CADPS: variants seen among roughly 807,000 people sequenced by gnomAD.
CADPS encodes calcium-dependent secretion activator 1.
In CADPS, 57 loss-of-function variants were observed where a neutral mutation model predicts 167.3. The ratio of observed to expected loss-of-function variants is 0.34; its 90% CI spans 0.28 to 0.42. The LOEUF is 0.42. Ranked by LOEUF, CADPS falls within the 20% of genes least tolerant of loss-of-function variation. CADPS has a pLI of 1.00. For missense variants in CADPS, 1,414 were observed against 1,738.1 expected (o/e 0.81, Z 3.32); for synonymous variants, 676 against 635.3 (o/e 1.06, Z -0.96).
intron 10 of CADPS, among the ~76,000 whole-genome samples, chr3:62,554,365 T>C (rs1180905358): frequency 1.3e-5 from 2 of 152,188 alleles, no homozygotes; most frequent in African/African-American, 4.8e-5. Context: ...GGGAACCACG[T>C]AGATTGTAGG....
intron 1 of CADPS, among the ~76,000 whole-genome samples, chr3:62,860,666 T>C (rs2080618475): frequency 6.6e-6 from 1 of 152,166 alleles, no homozygotes; most frequent in Admixed American, 6.5e-5. Context: ...TCTACTCCTA[T>C]GCCCAGATCC....
chr3:62,643,956 G>A (rs1262654532), intron 6 of CADPS, among the ~76,000 whole-genome samples: 1 of 152,122 alleles, frequency 6.6e-6, no homozygotes, highest in Non-Finnish European at 1.5e-5. Flanking sequence ...TTTGAAACTT[G>A]GTTGTAAAAA....
rs780375268 is a variant in CADPS, at chr3:62,478,442, A to C, written c.3174-26T>G. On this transcript the variant is annotated intron_variant, in intron 22 of 29. Transcript: ENST00000383710. This position sits in a 1 kb window ranked among gnomAD's most constrained non-coding sequence, Gnocchi z 5.7. ...CTGGCAGGACAAAAATTAGAAAATG[A>C]GAGTCACCCACTGGCCTCAGGCTCT... 1.2e-6 allele frequency: 2 copies of C among 1,603,338 alleles called. No individual in the cohort carries two copies. The highest frequency in any genetic ancestry group is 1.7e-5 in the Admixed American group (1 of 58,364).
At chr3:62,702,026 C>T (rs1018434377) in intron 3 of CADPS, among the ~76,000 whole-genome samples, 2 of 152,034 alleles carry the variant, frequency 1.3e-5, no homozygotes, top group African/African-American at 2.4e-5. Flanking sequence ...CAGATGTATA[C>T]CTAATTGACT....
intron 5 of CADPS, among the ~76,000 whole-genome samples, chr3:62,647,345 C>A (rs2068813666): frequency 6.6e-6 from 1 of 152,134 alleles, no homozygotes; most frequent in African/African-American, 2.4e-5. Flanking sequence ...GAATCAGAAT[C>A]ATTTATAGGG....
chr3:62,649,748 C>G (rs1043628749), intron 5 of CADPS, among the ~76,000 whole-genome samples: 1 of 151,150 alleles, frequency 6.6e-6, no homozygotes, highest in African/African-American at 2.4e-5. Flanking sequence ...AGAGATGTCT[C>G]ACTATGTTGC....
At chr3:62,865,241 G>C (rs1371445516) in intron 1 of CADPS, among the ~76,000 whole-genome samples, 1 of 152,092 alleles carries the variant, frequency 6.6e-6, no homozygotes. Context: ...GGAATTTTCA[G>C]TATTTTCCCT....
chr3:62,711,470 T>TA (rs1205087873), intron 3 of CADPS, among the ~76,000 whole-genome samples: 7 of 152,242 alleles, frequency 4.6e-5, no homozygotes, highest in African/African-American at 1.7e-4. Flanking sequence ...ACCTCCTAAA[T>TA]ATAATTCATA....
intron 6 of CADPS, among the ~76,000 whole-genome samples, chr3:62,631,920 G>C (rs908480934): frequency 6.6e-6 from 1 of 152,206 alleles, no homozygotes; most frequent in East Asian, 1.9e-4. Flanking sequence ...CGGTATATAG[G>C]ATGATGGAGG....
chr3:62,498,698 C>T (rs1382655563), intron 18 of CADPS, among the ~76,000 whole-genome samples: 1 of 150,794 alleles, frequency 6.6e-6, no homozygotes, highest in African/African-American at 2.4e-5. Context: ...TTTAACAACC[C>T]AGGCAATCTA....
intron 3 of CADPS, among the ~76,000 whole-genome samples, chr3:62,677,957 G>T (rs1449621861): frequency 6.6e-6 from 1 of 152,096 alleles, no homozygotes; most frequent in Non-Finnish European, 1.5e-5. Flanking sequence ...TCACTGAGGT[G>T]TGTAATATCT....
chr3:62,863,902 T>G (rs1425823263), intron 1 of CADPS, among the ~76,000 whole-genome samples: 1 of 152,170 alleles, frequency 6.6e-6, no homozygotes, highest in Non-Finnish European at 1.5e-5. Flanking sequence ...GGAAAGAATC[T>G]GGATGAGAAG....
chr3:62,693,794 A>C (rs1333555534), intron 3 of CADPS, among the ~76,000 whole-genome samples: 2 of 151,498 alleles, frequency 1.3e-5, no homozygotes, highest in African/African-American at 4.9e-5. Context: ...TAAAAAAAAA[A>C]AAAAAATTCT....
chr3:62,741,239 A>T (rs557824943), intron 3 of CADPS, among the ~76,000 whole-genome samples: 1 of 152,312 alleles, frequency 6.6e-6, no homozygotes, highest in South Asian at 2.1e-4. Flanking sequence ...ATTCCAAAAA[A>T]TTGAGGAGGA....
chr3:62,559,360 C>G (rs1055980469), intron 9 of CADPS, among the ~76,000 whole-genome samples: 3 of 152,144 alleles, frequency 2.0e-5, no homozygotes, highest in Non-Finnish European at 4.4e-5. Flanking sequence ...AGAGGTTTTA[C>G]CCCCCAAATT....
chr3:62,662,827 C>T (rs1426930725), intron 3 of CADPS, among the ~76,000 whole-genome samples: 1 of 152,186 alleles, frequency 6.6e-6, no homozygotes, highest in African/African-American at 2.4e-5. Flanking sequence ...CGCTCTCCAC[C>T]TCTGGACCAT....
At chr3:62,450,679 G>A (rs183437297) in intron 26 of CADPS, among the ~76,000 whole-genome samples, 15 of 152,296 alleles carry the variant, frequency 9.8e-5, no homozygotes, top group African/African-American at 3.4e-4. Flanking sequence ...AGAGGCTGAC[G>A]GAGGCTAAGG....
chr3:62,502,388 T>G (rs1199898381), intron 17 of CADPS, among the ~76,000 whole-genome samples: 1 of 152,124 alleles, frequency 6.6e-6, no homozygotes, highest in Non-Finnish European at 1.5e-5. Flanking sequence ...GCTGGAGCAC[T>G]GATAAAATGG....
chr3:62,456,239 C>G (rs1259097810), intron 26 of CADPS, among the ~76,000 whole-genome samples: 1 of 152,108 alleles, frequency 6.6e-6, no homozygotes, highest in African/African-American at 2.4e-5. Context: ...TGGCTGCAAC[C>G]CATGAACCAT....
Sources: gnomAD v4.1 joint callset for allele counts (sites outside exome capture counted in the v4.1 genomes callset) on GRCh38, gnomAD v4.1.1 for gene constraint, Gnocchi (gnomAD v3.1) non-coding constraint, MANE v1.5 for transcripts, NCBI Gene and HGNC (gene_info 2026-07-23, HGNC 2026-07-21) for gene names.